Variants in CAMKMT observed in about 807,000 individuals in gnomAD.
CAMKMT encodes CaM KMT.
CAMKMT carries 53 observed loss-of-function variants against 48.0 expected under a neutral mutation model. The ratio of observed to expected loss-of-function variants is 1.10; its 90% CI spans 0.89 to 1.39. The LOEUF is 1.39. CAMKMT is among the 40% of genes most tolerant of loss of function. The probability of loss-of-function intolerance (pLI) is 0.00; values close to 1 mark genes in which losing one functional copy is unlikely to be tolerated. For synonymous variants in CAMKMT, 165 were observed against 152.3 expected, an observed-to-expected ratio of 1.08 and a Z score of -0.61; for missense variants, 428 against 402.7, an observed-to-expected ratio of 1.06 and a Z score of -0.54.
chr2:44,395,147 T>C (rs1018956561), intron 3 of CAMKMT: 2 of 350,844 alleles, frequency 5.7e-6, no homozygotes, highest in Non-Finnish European at 1.1e-5. Flanking sequence ...ATTGTTGTTA[T>C]GTTATAAAGT....
chr2:44,706,636 A>G (rs1022841264), intron 5 of CAMKMT, among the ~76,000 whole-genome samples: 2 of 141,460 alleles, frequency 1.4e-5, no homozygotes, highest in Non-Finnish European at 3.0e-5. Context: ...TTTTCAGATT[A>G]TAGTCCCATT....
Position 44,676,986 on chromosome 2 carries a change from T to C in CAMKMT, c.377-27297T>C, listed in dbSNP as rs1172311920. On this transcript the variant is annotated intron_variant, in intron 3 of 10. Coordinates refer to ENST00000378494, the MANE Select transcript of CAMKMT (RefSeq NM_024766.5). ...AACAAACCACTGTATTTTAGCATTA[T>C]GTTTTATTTTACAGTGCCCTTGATT... is the stretch of plus-strand genomic sequence containing the variant. 2.0e-5 allele frequency among the ~76,000 whole-genome samples: 3 copies of C among 152,214 alleles called. No individual in the cohort carries two copies. In the East Asian group the frequency reaches 5.8e-4, roughly 29 times the overall value.
intron 3 of CAMKMT, among the ~76,000 whole-genome samples, chr2:44,480,162 C>T (rs1317558541): frequency 1.3e-5 from 2 of 152,104 alleles, no homozygotes; most frequent in Non-Finnish European, 2.9e-5. Context: ...TTATAACTCT[C>T]TTTAAGAAAA....
At chr2:44,743,309 A>T (rs562088885) in intron 7 of CAMKMT, among the ~76,000 whole-genome samples, 15 of 152,304 alleles carry the variant, frequency 9.8e-5, no homozygotes, top group Admixed American at 8.5e-4. Flanking sequence ...TACCTTATTG[A>T]TGTTAAGGGT....
chr2:44,588,819 A>T (rs1230639076), intron 3 of CAMKMT, among the ~76,000 whole-genome samples: 1 of 21,530 alleles, frequency 4.6e-5, no homozygotes, highest in Non-Finnish European at 9.0e-5. Flanking sequence ...TCCGGGAGGG[A>T]GGTGGGGGGG....
chr2:44,530,193 T>A (rs1666407383), intron 3 of CAMKMT, among the ~76,000 whole-genome samples: 1 of 152,148 alleles, frequency 6.6e-6, no homozygotes, highest in African/African-American at 2.4e-5. Context: ...TGAGGGAAAT[T>A]AAAATAGTAT....
chr2:44,417,629 C>T (rs530732461), intron 3 of CAMKMT, among the ~76,000 whole-genome samples: 1 of 152,244 alleles, frequency 6.6e-6, no homozygotes, highest in Admixed American at 6.5e-5. Context: ...TAAGATATTA[C>T]CAAACTGTTT....
intron 1 of CAMKMT, among the ~76,000 whole-genome samples, 181 bp downstream of exon 1, chr2:44,362,326 CAT>C (rs1343379754): frequency 6.6e-6 from 1 of 152,140 alleles, no homozygotes; most frequent in Non-Finnish European, 1.5e-5. Context: ...GAGGAGGAAT[CAT>C]GTGGGGTTGG....
At chr2:44,499,441 T>C (rs1380176834) in intron 3 of CAMKMT, among the ~76,000 whole-genome samples, 4 of 152,216 alleles carry the variant, frequency 2.6e-5, no homozygotes, top group African/African-American at 9.6e-5. Flanking sequence ...TTCTAGTGTA[T>C]TCATATCATA....
At chr2:44,731,482 A>T (rs141915926) in intron 7 of CAMKMT, among the ~76,000 whole-genome samples, 25 of 152,318 alleles carry the variant, frequency 1.6e-4, no homozygotes, top group Admixed American at 2.0e-4. Context: ...ATCTGTGATC[A>T]CTGCAATGAA....
At position 44,575,233 on chromosome 2, in the gene CAMKMT, C is replaced by T. The variant is rs147137912; in HGVS notation, c.377-129050C>T. 4.9e-3 allele frequency among the ~76,000 whole-genome samples: 742 copies of T among 152,056 alleles called. 11 individuals carry two copies. Among genetic ancestry groups the T allele is most frequent in the Non-Finnish European group, 4.8e-3 (327 of 67,984 alleles). On this transcript the variant is annotated intron_variant, in intron 3 of 10. Coordinates refer to ENST00000378494, the MANE Select transcript of CAMKMT (RefSeq NM_024766.5). ...AGCTGGAATTACAGGCACATACCAC[C>T]ACTCTCGGCTAATTTTTGTATTTTT...
intron 6 of CAMKMT, 57 bp downstream of exon 6, chr2:44,707,519 A>T: frequency 2.1e-6 from 3 of 1,453,554 alleles, no homozygotes; most frequent in Non-Finnish European, 2.9e-6. Context: ...TTCCTGGCTG[A>T]GTAACAATTG....
chr2:44,544,787 A>G (rs544589463), intron 3 of CAMKMT, among the ~76,000 whole-genome samples: 129 of 152,294 alleles, frequency 8.5e-4, no homozygotes, highest in African/African-American at 2.9e-3. Flanking sequence ...AGATTCTAAT[A>G]TTTTTTGCCT....
intron 3 of CAMKMT, among the ~76,000 whole-genome samples, chr2:44,559,211 GA>G (rs1293472758): frequency 6.6e-6 from 1 of 152,288 alleles, no homozygotes; most frequent in East Asian, 1.9e-4. Flanking sequence ...GCAGAATCAT[GA>G]AATGATGGTG....
intron 3 of CAMKMT, among the ~76,000 whole-genome samples, chr2:44,541,568 A>G (rs776012486): frequency 2.6e-5 from 4 of 152,068 alleles, no homozygotes; most frequent in Non-Finnish European, 5.9e-5. Flanking sequence ...AAGGATACAT[A>G]TATATATGCC....
At chr2:44,740,526 A>G (rs966305848) in intron 7 of CAMKMT, among the ~76,000 whole-genome samples, 21 of 152,180 alleles carry the variant, frequency 1.4e-4, no homozygotes, top group African/African-American at 4.8e-4. Flanking sequence ...GGAGAGTACA[A>G]AGTGCAAAAT....
chr2:44,364,465 G>C (rs6706090), intron 1 of CAMKMT, among the ~76,000 whole-genome samples: 12,238 of 152,064 alleles, frequency 0.08, 1,606 homozygotes, highest in African/African-American at 0.28. Flanking sequence ...ATGTGATCAG[G>C]GTCTCTTTTT....
At chr2:44,672,108 A>C (rs1435650008) in intron 3 of CAMKMT, among the ~76,000 whole-genome samples, 1 of 152,136 alleles carries the variant, frequency 6.6e-6, no homozygotes, top group Non-Finnish European at 1.5e-5. Flanking sequence ...TCACTCCCCA[A>C]ATAGTCTTGC....
chr2:44,480,423 G>C (rs562465705), intron 3 of CAMKMT, among the ~76,000 whole-genome samples: 8 of 152,160 alleles, frequency 5.3e-5, no homozygotes, highest in African/African-American at 1.9e-4. Flanking sequence ...GCTAATTATT[G>C]TGTTTAGTTC....
Sources: allele counts gnomAD v4.1 joint callset (sites outside exome capture counted in the v4.1 genomes callset), GRCh38; gene constraint gnomAD v4.1.1; transcripts MANE v1.5; gene names NCBI Gene and HGNC (gene_info 2026-07-23, HGNC 2026-07-21).